The following GTF2A1L variants were observed in gnomAD, a reference collection of about 807,000 sequenced individuals.
The protein encoded by GTF2A1L is general transcription factor IIA subunit 1 like.
A neutral mutation model predicts 49.7 loss-of-function variants in GTF2A1L; 48 were observed. The ratio of observed to expected loss-of-function variants is 0.97; its 90% confidence interval spans 0.77 to 1.23. GTF2A1L has a LOEUF of 1.23. GTF2A1L is among the 50% of genes most tolerant of loss of function. The pLI, the probability that GTF2A1L is intolerant of heterozygous loss-of-function variation, is 0.00. For missense variants in GTF2A1L, 736 were observed against 564.8 expected (o/e 1.30, Z -3.07); for synonymous variants, 246 against 193.5 (o/e 1.27, Z -2.25).
At position 48,646,342 on chromosome 2, in the gene GTF2A1L, G is replaced by T; in HGVS notation, c.389-111G>T. 7.5e-6 allele frequency: 7 copies of T among 939,234 alleles called. No individual in the cohort carries two copies. The South Asian group carries it at 1.5e-4, about 20-fold the overall frequency. 58.2% of individuals were successfully genotyped at this position (939,234 alleles called of 1,614,324 possible). On this transcript the variant is annotated intron_variant, in intron 5 of 8. Coordinates refer to ENST00000403751, the MANE Select transcript of GTF2A1L (RefSeq NM_006872.5). ...TAGAGATAACCACCATTAACATATT[G>T]GTGTATTTTTTTCCAGCCTTTGTGG...
chr2:48,651,889 T>A (rs755239417), intron 6 of GTF2A1L, among the ~76,000 whole-genome samples: 5 of 152,184 alleles, frequency 3.3e-5, no homozygotes, highest in African/African-American at 4.8e-5. Context: ...ATCTATGTGG[T>A]GGACGTTTGG....
At chr2:48,644,694 C>T (rs77565839) in intron 4 of GTF2A1L, among the ~76,000 whole-genome samples, 3,952 of 152,218 alleles carry the variant, frequency 0.026, 109 homozygotes, top group South Asian at 0.12. Flanking sequence ...TTCTCAACAA[C>T]ACTGGATGTT....
chr2:48,639,946 A>C (rs887539952), intron 3 of GTF2A1L, among the ~76,000 whole-genome samples: 1 of 152,242 alleles, frequency 6.6e-6, no homozygotes, highest in Non-Finnish European at 1.5e-5. Flanking sequence ...ATATGAAAAA[A>C]AGCTCAATAT....
At chr2:48,643,831 C>T (rs547501976) in intron 4 of GTF2A1L, among the ~76,000 whole-genome samples, 8 of 150,754 alleles carry the variant, frequency 5.3e-5, no homozygotes, top group South Asian at 2.1e-4. Flanking sequence ...TCCCGAGTAA[C>T]GAGATTACAG....
intron 3 of GTF2A1L, among the ~76,000 whole-genome samples, chr2:48,640,644 G>A (rs749460992): frequency 5.9e-5 from 9 of 152,086 alleles, no homozygotes; most frequent in Non-Finnish European, 1.3e-4. Context: ...TCTGTGACAC[G>A]AGTTTACCTG....
intron 7 of GTF2A1L, 53 bp from the exon 8 acceptor site, chr2:48,671,538 A>G (rs1158062634): frequency 1.3e-6 from 2 of 1,563,744 alleles, no homozygotes; most frequent in African/African-American, 2.7e-5. Context: ...CTTTATCTTT[A>G]AACAATTTAA....
intron 6 of GTF2A1L, among the ~76,000 whole-genome samples, chr2:48,652,216 T>C (rs1677888856): frequency 2.0e-5 from 3 of 152,200 alleles, no homozygotes; most frequent in African/African-American, 7.2e-5. Context: ...ATCTTCAGTA[T>C]TCCTTTATAA....
At chr2:48,638,540 ACT>A (rs1206459628) in intron 3 of GTF2A1L, among the ~76,000 whole-genome samples, 1 of 152,066 alleles carries the variant, frequency 6.6e-6, no homozygotes, top group Non-Finnish European at 1.5e-5. Context: ...CATGTTAAAA[ACT>A]CTCAAGAAAC....
At chr2:48,664,400 A>G (rs1467718193) in intron 6 of GTF2A1L, among the ~76,000 whole-genome samples, 1 of 150,284 alleles carries the variant, frequency 6.7e-6, no homozygotes, top group Non-Finnish European at 1.5e-5. Flanking sequence ...TCATGTTTTG[A>G]TATGGTGAGA....
rs150117498 is a variant in GTF2A1L at position 48,670,608 on chromosome 2, T to C, written c.1239+626T>C. ...ATAAAATCCAGGTAGAGTGTGCTTA[T>C]TAAAAAGTGTGTAAGTAGTATTAGC... On this transcript the variant is annotated intron_variant, in intron 7 of 8. Coordinates refer to ENST00000403751, the MANE Select transcript of GTF2A1L (RefSeq NM_006872.5). Among the ~76,000 whole-genome samples, 568 of 152,270 alleles carry C rather than the reference T, an allele frequency of 3.7e-3. 6 individuals are homozygous for C. Among genetic ancestry groups the C allele is most frequent in the Non-Finnish European group, 6.7e-3 (459 of 68,010 alleles).
intron 8 of GTF2A1L, among the ~76,000 whole-genome samples, chr2:48,675,750 C>T (rs886982293): frequency 6.6e-6 from 1 of 151,834 alleles, no homozygotes; most frequent in Non-Finnish European, 1.5e-5. Flanking sequence ...AGCAGACTTG[C>T]TTATAGCTGA....
At chr2:48,646,072 G>A (rs1243106284) in intron 5 of GTF2A1L, among the ~76,000 whole-genome samples, 2 of 151,556 alleles carry the variant, frequency 1.3e-5, no homozygotes, top group Non-Finnish European at 2.9e-5. Context: ...TTAAATATAT[G>A]AAGTATATTT....
At chr2:48,672,521 C>G (rs907121279) in intron 8 of GTF2A1L, among the ~76,000 whole-genome samples, 3 of 152,126 alleles carry the variant, frequency 2.0e-5, no homozygotes, top group Middle Eastern at 6.8e-3. Flanking sequence ...CGTGAAGTGC[C>G]CAGAACCCAG....
intron 6 of GTF2A1L, among the ~76,000 whole-genome samples, chr2:48,659,181 A>G (rs370492402): frequency 3.3e-5 from 5 of 152,094 alleles, no homozygotes; most frequent in African/African-American, 7.2e-5. Context: ...TTGATTTTGT[A>G]TAGTGTCTTG....
At chr2:48,643,998 C>T (rs576802059) in intron 4 of GTF2A1L, among the ~76,000 whole-genome samples, 1 of 151,732 alleles carries the variant, frequency 6.6e-6, no homozygotes, top group South Asian at 2.1e-4. Flanking sequence ...CGTGCCCGGC[C>T]TGTACAAAAT....
intron 3 of GTF2A1L, among the ~76,000 whole-genome samples, chr2:48,636,167 A>G (rs1301682794): frequency 2.0e-5 from 3 of 152,198 alleles, no homozygotes; most frequent in Non-Finnish European, 4.4e-5. Flanking sequence ...TGTTATTTCC[A>G]AATGGTGGAG....
chr2:48,648,695 G>T (rs1427235222), intron 6 of GTF2A1L, among the ~76,000 whole-genome samples: 1 of 152,036 alleles, frequency 6.6e-6, no homozygotes, highest in African/African-American at 2.4e-5. Flanking sequence ...AGTATTTAAA[G>T]CTTCTGGCAC....
intron 6 of GTF2A1L, among the ~76,000 whole-genome samples, chr2:48,648,110 T>A (rs1677636177): frequency 1.3e-5 from 2 of 152,114 alleles, no homozygotes; most frequent in Non-Finnish European, 2.9e-5. Context: ...AATCAGAAAC[T>A]ATTTGGCCTG....
chr2:48,660,791 C>T (rs1188616125), intron 6 of GTF2A1L, among the ~76,000 whole-genome samples: 1 of 152,018 alleles, frequency 6.6e-6, no homozygotes, highest in African/African-American at 2.4e-5. Flanking sequence ...CAGGTGTGCT[C>T]TACTATGCCC....
Sources: gnomAD v4.1 joint callset for allele counts (sites outside exome capture counted in the v4.1 genomes callset) on GRCh38, gnomAD v4.1.1 for gene constraint, MANE v1.5 for transcripts, NCBI Gene and HGNC (gene_info 2026-07-23, HGNC 2026-07-21) for gene names.